NADK2: variants seen among roughly 807,000 people sequenced by gnomAD.
The protein encoded by NADK2 is NAD kinase domain-containing protein 1, mitochondrial.
Under a neutral mutation model 62.1 loss-of-function variants are expected in NADK2, and 35 were observed. The observed-to-expected ratio is 0.56, with a 90% CI of 0.43 to 0.75. The LOEUF (loss-of-function observed/expected upper bound fraction) is 0.75. NADK2 is among the 30% of genes least tolerant of loss of function. The pLI, the probability that NADK2 is intolerant of heterozygous loss-of-function variation, is 0.00. For synonymous variants in NADK2, 205 were observed against 207.9 expected (o/e 0.99, Z 0.12); for missense variants, 439 against 561.3 (o/e 0.78, Z 2.20).
chr5:36,220,210 T>C (rs977045810), intron 4 of NADK2, among the ~76,000 whole-genome samples: 4 of 152,296 alleles, frequency 2.6e-5, no homozygotes, highest in Non-Finnish European at 4.4e-5. Flanking sequence ...CCTAAGTCAC[T>C]AAAAAAGAAC....
At chr5:36,227,589 T>C in intron 1 of NADK2, 24 bp from the exon 2 acceptor site, 3 of 1,331,606 alleles carry the variant, frequency 2.3e-6, no homozygotes, top group South Asian at 1.5e-5. Context: ...AAAGAAACGT[T>C]GTTTTACTAA....
chr5:36,203,192 TA>T (rs553697809), intron 8 of NADK2, among the ~76,000 whole-genome samples: 100 of 152,128 alleles, frequency 6.6e-4, no homozygotes, highest in Non-Finnish European at 1.2e-3. Flanking sequence ...GGATTCTACT[TA>T]TGAAAATAAA....
At chr5:36,206,401 T>C (rs1746638199) in intron 8 of NADK2, among the ~76,000 whole-genome samples, 1 of 150,580 alleles carries the variant, frequency 6.6e-6, no homozygotes, top group Non-Finnish European at 1.5e-5. Context: ...ACTAAAAAGG[T>C]GCAGGCTTGG....
At chr5:36,233,082 G>C (rs1334749809) in intron 1 of NADK2, among the ~76,000 whole-genome samples, 7 of 152,282 alleles carry the variant, frequency 4.6e-5, no homozygotes, top group South Asian at 2.1e-4. Context: ...CCAGTCAGTA[G>C]TGAAGTCAAA....
chr5:36,233,715 T>C (rs930184093), intron 1 of NADK2, among the ~76,000 whole-genome samples: 1 of 152,208 alleles, frequency 6.6e-6, no homozygotes, highest in African/African-American at 2.4e-5. Flanking sequence ...TTCTTCCCTG[T>C]TATCTTTTAT....
At position 36,200,338 on chromosome 5, in the gene NADK2, T is replaced by C. The variant is rs1746393300; in HGVS notation, c.1013-58A>G. 1.2e-5 allele frequency: 14 copies of C among 1,132,386 alleles called. 1 individual carries two copies. Among genetic ancestry groups the C allele is most frequent in the South Asian group, 4.6e-5 (2 of 43,284 alleles). 70.1% of individuals were successfully genotyped at this position (1,132,386 alleles called of 1,614,324 possible). A position where few individuals can be genotyped will look rare whatever the true frequency, so the allele number is the denominator to read the frequency against. ...TATAAATATATATATCTTATATATA[T>C]ATTTTCCTTGAAAAAGGGGGAAAAA... On this transcript the variant is annotated intron_variant, in intron 9 of 11. Transcript: ENST00000381937.
chr5:36,221,789 A>G (rs561842423), intron 4 of NADK2: 2 of 152,250 alleles, frequency 1.3e-5, no homozygotes, highest in Non-Finnish European at 2.9e-5. Context: ...ACTGTGTAAC[A>G]TATGATCACT....
intron 10 of NADK2, among the ~76,000 whole-genome samples, chr5:36,198,909 G>T (rs913672037): frequency 6.6e-6 from 1 of 151,810 alleles, no homozygotes; most frequent in African/African-American, 2.4e-5. Context: ...AACAAAGGAG[G>T]TCTTATGTGG....
chr5:36,206,985 T>C (rs1746664266), intron 8 of NADK2, among the ~76,000 whole-genome samples, 185 bp downstream of exon 8: 1 of 152,082 alleles, frequency 6.6e-6, no homozygotes, highest in Non-Finnish European at 1.5e-5. Flanking sequence ...ATCCAGGCTG[T>C]AACTGTAATC....
At chr5:36,199,739 G>GA (rs1231894307) in intron 10 of NADK2, among the ~76,000 whole-genome samples, 2 of 151,960 alleles carry the variant, frequency 1.3e-5, no homozygotes, top group African/African-American at 4.8e-5. Flanking sequence ...TCTGGAAATG[G>GA]AACCTACGAT....
intron 1 of NADK2, among the ~76,000 whole-genome samples, chr5:36,235,953 A>G (rs1257407141): frequency 1.3e-5 from 2 of 151,600 alleles, no homozygotes; most frequent in Non-Finnish European, 2.9e-5. Context: ...ACACTTGCTG[A>G]TATTTTGAAA....
chr5:36,196,275 GA>G (rs1208517358), intron 11 of NADK2, among the ~76,000 whole-genome samples: 3 of 152,162 alleles, frequency 2.0e-5, no homozygotes, highest in African/African-American at 7.2e-5. Context: ...GGAATATATA[GA>G]AAGTTGTAGT....
intron 10 of NADK2, among the ~76,000 whole-genome samples, chr5:36,198,334 T>G (rs1213219591): frequency 2.0e-5 from 3 of 151,912 alleles, no homozygotes; most frequent in African/African-American, 4.8e-5. Context: ...AAAAGTTTCA[T>G]TTGAATTACT....
At chr5:36,207,362 T>C in intron 7 of NADK2, 97 bp from the exon 8 acceptor site, 1 of 844,698 alleles carries the variant, frequency 1.2e-6, no homozygotes, top group Non-Finnish European at 1.9e-6. Flanking sequence ...GTAAGTCAGC[T>C]TACCCAAGAA....
intron 6 of NADK2, chr5:36,212,274 G>A (rs1746878552): frequency 6.3e-6 from 1 of 158,350 alleles, no homozygotes; most frequent in African/African-American, 2.4e-5. Flanking sequence ...CAATTAAAAA[G>A]AGAACTATTT....
rs5867308 is a variant in NADK2, at chr5:36,236,867, C to CAAA, written c.300+4629_300+4631dup. Among the ~76,000 whole-genome samples, 596 of 95,634 alleles carry CAAA rather than the reference C, an allele frequency of 6.2e-3. 16 individuals are homozygous for CAAA. The highest frequency in any genetic ancestry group is 0.022 in the African/African-American group (534 of 24,660). 62.7% of individuals were successfully genotyped at this position (95,634 alleles called of 152,430 possible). A position where few individuals can be genotyped will look rare whatever the true frequency, so the allele number is the denominator to read the frequency against. Reference sequence around the variant, plus strand: ...AGAGAGTAATGTCTGAGCTTAACCTCAAAAAAAAAAAAAAAAAAAACAGGA... The same window carrying CAAA: ...AGAGAGTAATGTCTGAGCTTAACCTCAAAAAAAAAAAAAAAAAAAAAAACAGGA... On this transcript the variant is annotated intron_variant, in intron 1 of 11. Transcript: ENST00000381937.
At chr5:36,238,834 A>C (rs1748002955) in intron 1 of NADK2, among the ~76,000 whole-genome samples, 1 of 152,216 alleles carries the variant, frequency 6.6e-6, no homozygotes, top group Non-Finnish European at 1.5e-5. Context: ...ACCAATATGA[A>C]ACGGTAAATA....
At chr5:36,197,057 T>C (rs932956742) in intron 11 of NADK2, among the ~76,000 whole-genome samples, 12 of 152,032 alleles carry the variant, frequency 7.9e-5, no homozygotes, top group Non-Finnish European at 1.3e-4. Context: ...CACTTTTTTA[T>C]ATCCTCTCTC....
intron 8 of NADK2, among the ~76,000 whole-genome samples, chr5:36,202,197 T>G (rs2112075122): frequency 6.6e-6 from 1 of 152,188 alleles, no homozygotes; most frequent in South Asian, 2.1e-4. Flanking sequence ...ACCTTCACCA[T>G]TCTAAGAGTT....
Sources: gnomAD v4.1 joint callset for allele counts (sites outside exome capture counted in the v4.1 genomes callset) on GRCh38, gnomAD v4.1.1 for gene constraint, MANE v1.5 for transcripts, NCBI Gene and HGNC (gene_info 2026-07-23, HGNC 2026-07-21) for gene names.